ARHGAP26: variants seen among roughly 807,000 people sequenced by gnomAD.
The protein encoded by ARHGAP26 is rho GTPase-activating protein 26.
ARHGAP26 carries 38 observed loss-of-function variants against 104.8 expected under a neutral mutation model. The observed-to-expected ratio is 0.36, with a 90% CI of 0.28 to 0.48. The LOEUF is 0.48. Among genes scored for constraint, ARHGAP26 ranks in the 20% least tolerant of loss-of-function variants. The pLI is 0.99. For synonymous variants in ARHGAP26, 341 were observed against 340.0 expected, an observed-to-expected ratio of 1.00 and a Z score of -0.03; for missense variants, 704 against 947.9, an observed-to-expected ratio of 0.74 and a Z score of 3.38.
chr5:142,922,325 C>T (rs1763304488), intron 10 of ARHGAP26, among the ~76,000 whole-genome samples: 1 of 152,054 alleles, frequency 6.6e-6, no homozygotes, highest in Non-Finnish European at 1.5e-5. Flanking sequence ...CAACATTCAA[C>T]CTCTAGATGG....
At chr5:142,943,154 T>A (rs1229669116) in intron 11 of ARHGAP26, among the ~76,000 whole-genome samples, 1 of 152,218 alleles carries the variant, frequency 6.6e-6, no homozygotes, top group Non-Finnish European at 1.5e-5. Flanking sequence ...TGGCTCATAG[T>A]ATCTGGCACA....
At chr5:143,138,583 G>C (rs1798161062) in intron 19 of ARHGAP26, among the ~76,000 whole-genome samples, 1 of 152,194 alleles carries the variant, frequency 6.6e-6, no homozygotes. Context: ...ACGGTGGTCT[G>C]TGATGGGAGA....
At chr5:143,114,714 A>T (rs113929160) in intron 17 of ARHGAP26, among the ~76,000 whole-genome samples, 1 of 152,296 alleles carries the variant, frequency 6.6e-6, no homozygotes, top group African/African-American at 2.4e-5. Context: ...TCTGCAGAAG[A>T]TGCATTCCAA....
At chr5:142,851,984 C>A (rs1377733347) in intron 1 of ARHGAP26, among the ~76,000 whole-genome samples, 1 of 152,212 alleles carries the variant, frequency 6.6e-6, no homozygotes, top group African/African-American at 2.4e-5. Flanking sequence ...AAAGATGATT[C>A]ATGTTGACCA....
At chr5:142,897,293 G>A (rs1759607449) in intron 6 of ARHGAP26, among the ~76,000 whole-genome samples, 1 of 152,210 alleles carries the variant, frequency 6.6e-6, no homozygotes, top group Non-Finnish European at 1.5e-5. Flanking sequence ...TCAGTCTCAT[G>A]TTAGGACAAA....
At chr5:142,793,157 T>C (rs1760207709) in intron 1 of ARHGAP26, among the ~76,000 whole-genome samples, 1 of 151,814 alleles carries the variant, frequency 6.6e-6, no homozygotes, top group Admixed American at 6.6e-5. Context: ...TTCCTCTGCC[T>C]GTCCACTGGA....
intron 14 of ARHGAP26, among the ~76,000 whole-genome samples, chr5:143,051,152 A>G (rs1784957067): frequency 6.6e-6 from 1 of 152,196 alleles, no homozygotes; most frequent in Admixed American, 6.5e-5. Flanking sequence ...ATAATGTGTT[A>G]TTAGGAAATT....
intron 1 of ARHGAP26, among the ~76,000 whole-genome samples, chr5:142,866,033 TTC>T (rs926987687): frequency 1.0e-4 from 15 of 147,628 alleles, no homozygotes; most frequent in African/African-American, 3.0e-4. Flanking sequence ...TTTTTCTTTT[TTC>T]TTTTTTTTTT....
At chr5:143,029,567 GC>G (rs1474895372) in intron 12 of ARHGAP26, among the ~76,000 whole-genome samples, 8 of 147,102 alleles carry the variant, frequency 5.4e-5, no homozygotes, top group African/African-American at 2.2e-4. Flanking sequence ...ACCATGCCCA[GC>G]AAATTTTTTT....
chr5:142,902,253 T>G (rs1330262939), intron 7 of ARHGAP26, among the ~76,000 whole-genome samples: 2 of 152,164 alleles, frequency 1.3e-5, no homozygotes, highest in African/African-American at 4.8e-5. Flanking sequence ...CAAAGCCCTA[T>G]TTATGTTCTC....
At chr5:142,989,358 A>G (rs1598505950) in intron 11 of ARHGAP26, among the ~76,000 whole-genome samples, 1 of 151,970 alleles carries the variant, frequency 6.6e-6, no homozygotes, top group African/African-American at 2.4e-5. Flanking sequence ...ATCTTCCTCC[A>G]TCCCTTTATT....
At chr5:142,995,836 A>T (rs895982792) in intron 11 of ARHGAP26, among the ~76,000 whole-genome samples, 22 of 152,240 alleles carry the variant, frequency 1.4e-4, no homozygotes, top group African/African-American at 5.1e-4. Flanking sequence ...GCAGCCATAA[A>T]AAAGAATGCA....
intron 1 of ARHGAP26, among the ~76,000 whole-genome samples, chr5:142,813,207 C>T (rs576996141): frequency 1.2e-3 from 177 of 152,234 alleles, no homozygotes; most frequent in African/African-American, 4.0e-3. Flanking sequence ...TCCCAGAGTG[C>T]GGGGATTACA....
intron 6 of ARHGAP26, among the ~76,000 whole-genome samples, chr5:142,898,072 AAGAAAC>A (rs1007360781): frequency 6.6e-6 from 1 of 152,154 alleles, no homozygotes; most frequent in African/African-American, 2.4e-5. Context: ...CCTTCAGAAA[AAGAAAC>A]AGTTGTAGTA....
At chr5:142,975,283 C>T (rs1367885846) in intron 11 of ARHGAP26, among the ~76,000 whole-genome samples, 2 of 151,978 alleles carry the variant, frequency 1.3e-5, no homozygotes, top group African/African-American at 4.8e-5. Context: ...TAGAGAACTG[C>T]GTCTACAGTA....
At chr5:142,803,845 A>G (rs917181031) in intron 1 of ARHGAP26, among the ~76,000 whole-genome samples, 4 of 152,194 alleles carry the variant, frequency 2.6e-5, no homozygotes, top group African/African-American at 9.7e-5. Context: ...ACATACAAAA[A>G]CAAAAGAAGT....
At chr5:142,777,633 C>T (rs1044378259) in intron 1 of ARHGAP26, among the ~76,000 whole-genome samples, 5 of 152,278 alleles carry the variant, frequency 3.3e-5, no homozygotes, top group East Asian at 1.9e-4. Flanking sequence ...AGAAGAGTTT[C>T]GTTCAGGAAA....
At chr5:142,946,634 G>A (rs1340883832) in intron 11 of ARHGAP26, 1 of 152,162 alleles carries the variant, frequency 6.6e-6, no homozygotes, top group East Asian at 1.9e-4. Flanking sequence ...AACACATGTT[G>A]ACAGGAGGAC....
At chr5:143,112,611 C>T (rs540541116) in intron 17 of ARHGAP26, among the ~76,000 whole-genome samples, 103 of 152,186 alleles carry the variant, frequency 6.8e-4, no homozygotes, top group Middle Eastern at 3.4e-3. Flanking sequence ...CAAAAGCTCC[C>T]GATTCCCCTT....
Sources: allele counts gnomAD v4.1 joint callset (sites outside exome capture counted in the v4.1 genomes callset), GRCh38; gene constraint gnomAD v4.1.1; transcripts MANE v1.5; gene names NCBI Gene and HGNC (gene_info 2026-07-23, HGNC 2026-07-21).